The following SIK3 variants were observed in gnomAD, a reference collection of about 807,000 sequenced individuals.
The protein encoded by SIK3 is SIK family kinase 3.
In SIK3, 28 loss-of-function variants were observed where a neutral mutation model predicts 144.2. The ratio of observed to expected loss-of-function variants is 0.19; its 90% CI spans 0.14 to 0.27. The LOEUF is 0.27. Among genes scored for constraint, SIK3 ranks in the 10% least tolerant of loss-of-function variants. The probability of loss-of-function intolerance (pLI) is 1.00; values close to 1 mark genes in which losing one functional copy is unlikely to be tolerated. For synonymous variants in SIK3, 686 were observed against 676.3 expected, an observed-to-expected ratio of 1.01 and a Z score of -0.22; for missense variants, 1,319 against 1,776.0, an observed-to-expected ratio of 0.74 and a Z score of 4.62.
intron 1 of SIK3, among the ~76,000 whole-genome samples, chr11:116,957,934 A>C (rs1253008624): frequency 1.3e-5 from 2 of 152,202 alleles, no homozygotes; most frequent in African/African-American, 4.8e-5. Context: ...TAAGATACTC[A>C]TCAGCAAATA....
intron 6 of SIK3, among the ~76,000 whole-genome samples, chr11:116,882,912 CA>C (rs1944617869): frequency 6.6e-6 from 1 of 152,098 alleles, no homozygotes; most frequent in Non-Finnish European, 1.5e-5. Flanking sequence ...AAAAAGGAAA[CA>C]AAAATAAATT....
intron 1 of SIK3, among the ~76,000 whole-genome samples, chr11:117,018,178 G>C (rs1211872627): frequency 1.3e-5 from 2 of 151,982 alleles, no homozygotes; most frequent in African/African-American, 4.8e-5. Context: ...TTCCAGGAAG[G>C]ACCCCTGAGT....
At chr11:116,978,059 T>C (rs1216056430) in intron 1 of SIK3, among the ~76,000 whole-genome samples, 1 of 151,756 alleles carries the variant, frequency 6.6e-6, no homozygotes, top group East Asian at 1.9e-4. Flanking sequence ...TCTACTAAAA[T>C]TACAAAAACT....
chr11:117,023,703 G>T lies in SIK3; in HGVS notation c.274-66639C>A, dbSNP rs1490037532. Among the ~76,000 whole-genome samples, 7 of 149,090 alleles carry T rather than the reference G, an allele frequency of 4.7e-5. No individual in the cohort carries two copies. The East Asian group carries it at 1.4e-3, about 30-fold the overall frequency. On this transcript the variant is annotated intron_variant, in intron 1 of 24. Transcript: ENST00000445177. ...ACTTTTATCTTTTTTTTGACACAGG[G>T]TCTCTCTGTGTCACCCAGGCTGGAG...
At chr11:117,021,928 CAAAAAAAA>C (rs71037444) in intron 1 of SIK3, among the ~76,000 whole-genome samples, 357 of 58,782 alleles carry the variant, frequency 6.1e-3, no homozygotes, top group African/African-American at 0.012. Context: ...TCTGTCTCTA[CAAAAAAAA>C]AAAAAAAAAA....
chr11:116,914,892 A>G (rs1277368740), intron 4 of SIK3, among the ~76,000 whole-genome samples: 1 of 152,178 alleles, frequency 6.6e-6, no homozygotes. Context: ...CGGGAAAGAA[A>G]TTTTAAAAAT....
At chr11:116,887,303 T>C (rs1944874386) in intron 6 of SIK3, among the ~76,000 whole-genome samples, 1 of 150,824 alleles carries the variant, frequency 6.6e-6, no homozygotes, top group African/African-American at 2.4e-5. Context: ...ATAAATAATT[T>C]AGATCATGTT....
chr11:117,046,978 C>G (rs1190430564), intron 1 of SIK3, among the ~76,000 whole-genome samples: 1 of 152,204 alleles, frequency 6.6e-6, no homozygotes, highest in African/African-American at 2.4e-5. Context: ...TATTTTAAAA[C>G]TGTAACAGAA....
intron 4 of SIK3, among the ~76,000 whole-genome samples, chr11:116,915,916 T>C (rs1055138864): frequency 4.6e-5 from 7 of 152,168 alleles, no homozygotes; most frequent in African/African-American, 1.7e-4. Context: ...ACCAACTACT[T>C]GAACAATAAA....
At chr11:116,947,002 CT>C (rs1948625233) in intron 3 of SIK3, among the ~76,000 whole-genome samples, 1 of 150,722 alleles carries the variant, frequency 6.6e-6, no homozygotes, top group Admixed American at 6.7e-5. Context: ...GTAGTCCCAG[CT>C]ACTTGGGAGA....
chr11:116,870,830 G>A (rs1943931341), intron 13 of SIK3, among the ~76,000 whole-genome samples: 1 of 152,198 alleles, frequency 6.6e-6, no homozygotes, highest in Admixed American at 6.5e-5. Context: ...GCAGGAACCT[G>A]AAGGATGCAC....
chr11:117,017,135 T>C (rs1307403134), intron 1 of SIK3, among the ~76,000 whole-genome samples: 1 of 152,196 alleles, frequency 6.6e-6, no homozygotes, highest in Non-Finnish European at 1.5e-5. Flanking sequence ...CACGTGCCTA[T>C]AGTCCCAGCT....
chr11:116,873,337 G>A, intron 13 of SIK3, 144 bp downstream of exon 13: 2 of 1,103,342 alleles, frequency 1.8e-6, no homozygotes, highest in East Asian at 5.1e-5. Flanking sequence ...CTACTGGCCT[G>A]AAGAAAATGG....
intron 1 of SIK3, among the ~76,000 whole-genome samples, chr11:116,959,427 G>A (rs1949261947): frequency 6.6e-6 from 1 of 152,196 alleles, no homozygotes; most frequent in Non-Finnish European, 1.5e-5. Flanking sequence ...CAAAAGGTGG[G>A]AAGAACTGCT....
chr11:116,977,579 G>A (rs2135495122), intron 1 of SIK3, among the ~76,000 whole-genome samples: 1 of 152,324 alleles, frequency 6.6e-6, no homozygotes. Context: ...AGGAAGAGAT[G>A]TCAATTCATG....
At position 116,910,602 on chromosome 11, in the gene SIK3, C is replaced by T. The variant is rs1591299669; in HGVS notation, c.617-13285G>A. ...TAAGGAACACCGGAGTGCTGTACTG[C>T]TCCAGCTCAAGTCAGCCTGGGAAAG... On this transcript the variant is annotated intron_variant, in intron 4 of 24. Coordinates refer to ENST00000445177, the MANE Select transcript of SIK3 (RefSeq NM_001366686.3). Among the ~76,000 whole-genome samples, 5 of 152,246 alleles carry T rather than the reference C, an allele frequency of 3.3e-5. No individual in the cohort carries two copies. The South Asian group carries it at 1.0e-3, about 32-fold the overall frequency.
At chr11:116,864,871 G>C (rs528094555) in intron 15 of SIK3, 1 of 152,352 alleles carries the variant, frequency 6.6e-6, no homozygotes, top group East Asian at 1.9e-4. Context: ...ATACAATGCA[G>C]ACAGCGCGGG....
At chr11:116,862,759 A>C (rs1257770851) in intron 16 of SIK3, among the ~76,000 whole-genome samples, 2 of 152,208 alleles carry the variant, frequency 1.3e-5, no homozygotes, top group Non-Finnish European at 2.9e-5. Context: ...GGTTTAATCA[A>C]GACCCAGCAT....
Position 117,098,362 on chromosome 11 carries a change from C to T in SIK3, c.54G>A (p.Gly18=). 1 of 1,166,318 alleles carries T rather than the reference C, an allele frequency of 8.6e-7. No homozygotes were observed. The highest frequency in any genetic ancestry group is 4.0e-5 in the South Asian group (1 of 25,088). 72.2% of individuals were successfully genotyped at this position (1,166,318 alleles called of 1,614,324 possible). A position where few individuals can be genotyped will look rare whatever the true frequency, so the allele number is the denominator to read the frequency against. Residue 18 remains glycine, a synonymous_variant, in exon 1 of 25, where the codon GGG becomes GGA. Coordinates refer to ENST00000445177, the MANE Select transcript of SIK3 (RefSeq NM_001366686.3). ...GAGGAAGAGT[G]GAGPAGRLLP... Reference sequence around the variant, plus strand: ...GCAGGCGGCCCGCGGGCCCGGCTCCCCCAGTCCCGGCCCCGGCAGCCCCGC... The same window carrying T: ...GCAGGCGGCCCGCGGGCCCGGCTCCTCCAGTCCCGGCCCCGGCAGCCCCGC...
Sources: gnomAD v4.1 joint callset for allele counts (sites outside exome capture counted in the v4.1 genomes callset) on GRCh38, gnomAD v4.1.1 for gene constraint, MANE v1.5 for transcripts, NCBI Gene and HGNC (gene_info 2026-07-23, HGNC 2026-07-21) for gene names.